The following FBXL17 variants were observed in gnomAD, a reference collection of about 807,000 sequenced individuals.
FBXL17 encodes F-box/LRR-repeat protein 17.
FBXL17 carries 22 observed loss-of-function variants against 66.2 expected under a neutral mutation model. The ratio of observed to expected loss-of-function variants is 0.33; its 90% CI spans 0.24 to 0.47. The LOEUF (loss-of-function observed/expected upper bound fraction) is 0.47. FBXL17 is among the 20% of genes least tolerant of loss of function. The pLI, the probability that FBXL17 is intolerant of heterozygous loss-of-function variation, is 1.00. For synonymous variants in FBXL17, 474 were observed against 400.5 expected (o/e 1.18, Z -2.19); for missense variants, 878 against 948.2 (o/e 0.93, Z 0.97).
intron 6 of FBXL17, among the ~76,000 whole-genome samples, chr5:108,042,595 T>C (rs1554059630): frequency 2.6e-5 from 4 of 152,210 alleles, no homozygotes; most frequent in Non-Finnish European, 2.9e-5. Flanking sequence ...CTACAAATAG[T>C]CTGTACCTTT....
At chr5:108,259,744 T>A (rs1233955125) in intron 4 of FBXL17, among the ~76,000 whole-genome samples, 2 of 152,052 alleles carry the variant, frequency 1.3e-5, no homozygotes, top group Non-Finnish European at 2.9e-5. Flanking sequence ...AAGAATCACA[T>A]AAGGATAGAG....
At chr5:108,332,971 T>C (rs1436763925) in intron 4 of FBXL17, among the ~76,000 whole-genome samples, 12 of 122,352 alleles carry the variant, frequency 9.8e-5, no homozygotes, top group South Asian at 2.6e-4. Context: ...AAAGAGTCTA[T>C]AGTTAAAGAT....
chr5:108,050,659 C>A (rs1351757427), intron 6 of FBXL17, among the ~76,000 whole-genome samples: 1 of 151,976 alleles, frequency 6.6e-6, no homozygotes, highest in Non-Finnish European at 1.5e-5. Flanking sequence ...GAGGCAAGGG[C>A]AAACCAATCC....
intron 6 of FBXL17, among the ~76,000 whole-genome samples, chr5:108,068,458 T>TGGGG (rs113038445): frequency 4.2e-5 from 5 of 120,202 alleles, no homozygotes; most frequent in African/African-American, 6.3e-5. Context: ...TTTCTTTTTT[T>TGGGG]GGGGGGGGGG....
At chr5:108,124,811 A>C (rs1750633251) in intron 6 of FBXL17, among the ~76,000 whole-genome samples, 1 of 152,076 alleles carries the variant, frequency 6.6e-6, no homozygotes, top group African/African-American at 2.4e-5. Context: ...ATTATAACTT[A>C]CGCAGCTCCC....
intron 6 of FBXL17, among the ~76,000 whole-genome samples, chr5:108,137,031 T>C (rs1751162271): frequency 6.6e-6 from 1 of 152,182 alleles, no homozygotes; most frequent in South Asian, 2.1e-4. Flanking sequence ...CAAAGGGTAA[T>C]AACATTTAAA....
chr5:108,225,499 A>C (rs765371520), intron 4 of FBXL17, among the ~76,000 whole-genome samples: 5 of 152,190 alleles, frequency 3.3e-5, no homozygotes, highest in Non-Finnish European at 5.9e-5. Context: ...CACAGGGAGA[A>C]TGCCATGTGA....
intron 6 of FBXL17, among the ~76,000 whole-genome samples, chr5:108,054,129 G>A (rs1336461029): frequency 6.6e-6 from 1 of 151,974 alleles, no homozygotes; most frequent in Non-Finnish European, 1.5e-5. Flanking sequence ...GGGGAGAGGG[G>A]AGGGAACTTA....
chr5:108,247,195 A>G (rs749923679), intron 4 of FBXL17, among the ~76,000 whole-genome samples: 3 of 152,338 alleles, frequency 2.0e-5, no homozygotes, highest in Non-Finnish European at 4.4e-5. Flanking sequence ...CTGGCTTCGA[A>G]GAAGAGAAAG....
chr5:108,237,184 C>T lies in FBXL17; in HGVS notation c.1507-12956G>A, dbSNP rs528880768. 1.6e-4 allele frequency among the ~76,000 whole-genome samples: 25 copies of T among 152,290 alleles called. 1 individual carries two copies. The South Asian group carries it at 4.2e-3, about 25-fold the overall frequency. On this transcript the variant is annotated intron_variant, in intron 4 of 8. Transcript: ENST00000542267. ...TGTGTCTAATGAAGGGTTTATTTCA[C>T]TTAGGTATACTCAGACTCCTAAATC... is the stretch of plus-strand genomic sequence containing the variant.
At chr5:107,925,389 T>G (rs1750493100) in intron 7 of FBXL17, among the ~76,000 whole-genome samples, 1 of 152,208 alleles carries the variant, frequency 6.6e-6, no homozygotes, top group Non-Finnish European at 1.5e-5. Context: ...ATGTAGCAGA[T>G]GCTATCATTG....
In FBXL17 at chr5:108,117,770, T is replaced by C. The variant is rs529588001; in HGVS notation, c.1745+68347A>G. ...CCCCCTCTCGGAAATCCCTGGCCTA[T>C]ATTATAAAGGTTTTGAGAAGGCCTG... On this transcript the variant is annotated intron_variant, in intron 6 of 8. Transcript: ENST00000542267. Among the ~76,000 whole-genome samples the C allele has an allele frequency of 3.3e-5, 5 of 152,280 alleles. No individual in the cohort carries two copies. In the East Asian group the frequency reaches 9.7e-4, roughly 29 times the overall value.
chr5:108,081,928 C>G (rs922190722), intron 6 of FBXL17, among the ~76,000 whole-genome samples: 1 of 152,124 alleles, frequency 6.6e-6, no homozygotes, highest in African/African-American at 2.4e-5. Context: ...ATCACCTAAG[C>G]CCATTACTCT....
chr5:108,200,934 G>C (rs1244645180), intron 5 of FBXL17, among the ~76,000 whole-genome samples: 2 of 152,058 alleles, frequency 1.3e-5, no homozygotes, highest in Non-Finnish European at 2.9e-5. Flanking sequence ...AGAGAAGCGG[G>C]ATCTCAAAAC....
At chr5:108,177,140 A>G (rs888010701) in intron 6 of FBXL17, among the ~76,000 whole-genome samples, 11 of 152,184 alleles carry the variant, frequency 7.2e-5, no homozygotes, top group African/African-American at 2.7e-4. Context: ...TGTAAAAATA[A>G]TTGTGCATCA....
chr5:108,380,814 T>C lies in FBXL17; in HGVS notation c.878A>G (p.His293Arg), dbSNP rs993613732. ...CCGACAGTCCGCGTCGCCACATTCA[T>C]GCTGCTGCTGGGCGGACAAGGGGGC... ...GTAPLSAQQQ[H>R]ECGDADCRES... The change falls in exon 1 of 9, where the codon CAT becomes CGT. Residue 293 changes from histidine (H) to arginine (R), a missense_variant. Physicochemically the swap from His to Arg is conservative, Grantham distance 29. Transcript: ENST00000542267. The C allele has an allele frequency of 9.6e-6, 12 of 1,247,890 alleles. No individual in the cohort carries two copies. In the African/African-American group the frequency reaches 1.6e-4, roughly 16 times the overall value. The allele number at this position is 1,247,890 out of a possible 1,614,324, so 77.3% of individuals were successfully genotyped here. A position where few individuals can be genotyped will look rare whatever the true frequency, so the allele number is the denominator to read the frequency against.
intron 6 of FBXL17, among the ~76,000 whole-genome samples, chr5:108,075,739 A>T (rs1040932260): frequency 6.6e-6 from 1 of 152,166 alleles, no homozygotes; most frequent in Non-Finnish European, 1.5e-5. Context: ...GGCCTCCCAA[A>T]GTGCTGGGAT....
At chr5:107,948,761 C>G (rs1320610086) in intron 7 of FBXL17, among the ~76,000 whole-genome samples, 2 of 152,270 alleles carry the variant, frequency 1.3e-5, no homozygotes, top group East Asian at 3.9e-4. Context: ...GTTATAGGAC[C>G]TCTCTTTACA....
chr5:107,906,673 A>G (rs552164790), intron 7 of FBXL17, among the ~76,000 whole-genome samples: 7 of 152,320 alleles, frequency 4.6e-5, no homozygotes, highest in African/African-American at 1.7e-4. Context: ...AAACTGAAAA[A>G]AGGACATAAG....
Sources: gnomAD v4.1 joint callset for allele counts (sites outside exome capture counted in the v4.1 genomes callset) on GRCh38, gnomAD v4.1.1 for gene constraint, MANE v1.5 for transcripts, NCBI Gene and HGNC (gene_info 2026-07-23, HGNC 2026-07-21) for gene names.